Variants in SYT1 observed in about 807,000 individuals in gnomAD.
The protein encoded by SYT1 is synaptotagmin 1.
In SYT1, 8 loss-of-function variants were observed where a neutral mutation model predicts 44.8. The ratio of observed to expected loss-of-function variants is 0.18; its 90% CI spans 0.10 to 0.32. The LOEUF is 0.32. Ranked by LOEUF, SYT1 falls within the 10% of genes least tolerant of loss-of-function variation. SYT1 has a pLI of 1.00. For synonymous variants in SYT1, 154 were observed against 188.8 expected (o/e 0.82, Z 1.51); for missense variants, 286 against 509.3 (o/e 0.56, Z 4.22).
chr12:79,360,147 T>C (rs1436339821), intron 9 of SYT1, among the ~76,000 whole-genome samples: 2 of 152,304 alleles, frequency 1.3e-5, no homozygotes, highest in Middle Eastern at 3.4e-3. Context: ...TAAAATGCTA[T>C]GTCATAATTT....
chr12:79,369,326 A>T (rs1163733561), intron 9 of SYT1, among the ~76,000 whole-genome samples: 2 of 152,060 alleles, frequency 1.3e-5, no homozygotes. Flanking sequence ...TACAAAAATT[A>T]TTAGCCAGGC....
intron 8 of SYT1, among the ~76,000 whole-genome samples, chr12:79,312,769 AT>A (rs34469793): frequency 0.046 from 5,402 of 116,742 alleles, 69 homozygotes; most frequent in East Asian, 0.11. Flanking sequence ...AAGGGGCTGC[AT>A]TTTTTTTTTT....
chr12:79,286,519 G>A (rs777775595), intron 5 of SYT1, among the ~76,000 whole-genome samples: 1 of 152,120 alleles, frequency 6.6e-6, no homozygotes, highest in Non-Finnish European at 1.5e-5. Context: ...GAACACGACA[G>A]GATAGAATTT....
At position 78,885,451 on chromosome 12, in the gene SYT1, C is replaced by CA. The variant is rs754166004; in HGVS notation, c.-217+20349dup. ...TAAGCTTTATTTTCATGATTGCTAT[C>CA]AAAAAAATAAAAATAAAAAACAAGG... On this transcript the variant is annotated intron_variant, in intron 1 of 10. Transcript: ENST00000261205. 8.6e-5 allele frequency among the ~76,000 whole-genome samples: 13 copies of CA among 151,190 alleles called. No homozygotes were observed. In the East Asian group the frequency reaches 1.8e-3, roughly 20 times the overall value.
intron 1 of SYT1, among the ~76,000 whole-genome samples, chr12:78,933,231 G>A (rs1292555993): frequency 6.6e-6 from 1 of 152,046 alleles, no homozygotes; most frequent in Non-Finnish European, 1.5e-5. Context: ...ACTAATACCA[G>A]GGCAATCTTG....
At chr12:79,135,103 CT>C (rs913504729) in intron 3 of SYT1, among the ~76,000 whole-genome samples, 13 of 151,912 alleles carry the variant, frequency 8.6e-5, no homozygotes, top group African/African-American at 2.9e-4. Flanking sequence ...AGTGCATATA[CT>C]TTTTTATTAT....
At chr12:78,999,839 T>A (rs914820655) in intron 2 of SYT1, among the ~76,000 whole-genome samples, 25 of 152,134 alleles carry the variant, frequency 1.6e-4, no homozygotes, top group African/African-American at 5.8e-4. Flanking sequence ...TATGATGTGA[T>A]TTGAGAGAAA....
At chr12:78,872,511 A>T (rs1049753118) in intron 1 of SYT1, among the ~76,000 whole-genome samples, 3 of 151,948 alleles carry the variant, frequency 2.0e-5, no homozygotes, top group African/African-American at 7.2e-5. Context: ...AGATTTGTTC[A>T]GTTCTCTGGT....
In SYT1 at chr12:79,307,616, G is replaced by C. The variant is rs566225990; in HGVS notation, c.810+8065G>C. Among the ~76,000 whole-genome samples, 1,410 of 151,020 alleles carry C rather than the reference G, an allele frequency of 9.3e-3. 29 individuals are homozygous for C. The highest frequency in any genetic ancestry group is 0.032 in the African/African-American group (1,324 of 40,944). On this transcript the variant is annotated intron_variant, in intron 8 of 10. Coordinates refer to ENST00000261205, the MANE Select transcript of SYT1 (RefSeq NM_005639.3). ...GAGCCCGGGGATGGTCGGAAGGGCT[G>C]GGGGTGGGGGTGGGGGGGCGTGGGG...
At position 78,893,217 on chromosome 12, in the gene SYT1, C is replaced by T. The variant is rs1333124315; in HGVS notation, c.-217+28108C>T. On this transcript the variant is annotated intron_variant, in intron 1 of 10. Transcript: ENST00000261205. ...ACAGTAAATGACAGGCTACATTTTT[C>T]AATTTGCTAATAATGATTCTTGCTT... Among the ~76,000 whole-genome samples the T allele has an allele frequency of 2.0e-5, 3 of 151,764 alleles. No individual in the cohort carries two copies. In the Admixed American group the frequency reaches 2.0e-4, roughly 10 times the overall value.
At chr12:78,905,544 T>G (rs766890890) in intron 1 of SYT1, among the ~76,000 whole-genome samples, 13 of 152,166 alleles carry the variant, frequency 8.5e-5, no homozygotes, top group Non-Finnish European at 1.3e-4. Context: ...TTATGTTTAC[T>G]AAAATTCCTT....
chr12:78,918,510 G>A (rs1416535748), intron 1 of SYT1, among the ~76,000 whole-genome samples: 1 of 152,064 alleles, frequency 6.6e-6, no homozygotes, highest in Admixed American at 6.6e-5. Context: ...GTTACATTTT[G>A]GCCCCTTTTC....
At chr12:78,875,557 G>C (rs1193652550) in intron 1 of SYT1, among the ~76,000 whole-genome samples, 1 of 151,526 alleles carries the variant, frequency 6.6e-6, no homozygotes, top group East Asian at 1.9e-4. Flanking sequence ...GAACAGTTTG[G>C]TCTATTTAGG....
rs1878602055 is a variant in SYT1, at chr12:78,945,467, T to G, written c.-216-32332T>G. Among the ~76,000 whole-genome samples the G allele has an allele frequency of 5.3e-5, 7 of 131,804 alleles. No homozygotes were observed. The South Asian group carries it at 1.6e-3, about 31-fold the overall frequency. The allele number at this position is 131,804 out of a possible 152,430, so 86.5% of individuals were successfully genotyped here. On this transcript the variant is annotated intron_variant, in intron 1 of 10. Coordinates refer to ENST00000261205, the MANE Select transcript of SYT1 (RefSeq NM_005639.3). ...ATATTTTACATTTATATTATGTGTG[T>G]CTATATATATATATATATATACACA...
intron 1 of SYT1, among the ~76,000 whole-genome samples, chr12:78,942,240 C>T (rs1365573250): frequency 6.6e-6 from 1 of 152,228 alleles, no homozygotes; most frequent in African/African-American, 2.4e-5. Flanking sequence ...TCCAAAACAA[C>T]ACATTACTGC....
intron 1 of SYT1, among the ~76,000 whole-genome samples, chr12:78,869,966 G>A (rs1472727416): frequency 6.6e-6 from 1 of 152,008 alleles, no homozygotes; most frequent in Non-Finnish European, 1.5e-5. Flanking sequence ...ACATAAAAAG[G>A]CATTTTGTTA....
Position 79,296,138 on chromosome 12 carries a change from G to A in SYT1, c.544G>A (p.Val182Met), listed in dbSNP as rs1271381185. The A allele has an allele frequency of 1.2e-6, 2 of 1,613,952 alleles. No individual in the cohort carries two copies. Among genetic ancestry groups the A allele is most frequent in the Admixed American group, 1.7e-5 (1 of 60,014 alleles). Residue 182 changes from valine to methionine, a missense_variant, in exon 7 of 11, where the codon GTG becomes ATG. Val to Met is a conservative substitution (Grantham distance 21). Coordinates refer to ENST00000261205, the MANE Select transcript of SYT1 (RefSeq NM_005639.3). Reference sequence around the variant, plus strand: ...CATGGGGGGCACATCTGATCCTTACGTGAAAGTGTTTCTGCTACCTGATAA... The same window carrying A: ...CATGGGGGGCACATCTGATCCTTACATGAAAGTGTTTCTGCTACCTGATAA... ...LDMGGTSDPYVKVFLLPDKKK... is the reference protein window; with the variant it reads ...LDMGGTSDPYMKVFLLPDKKK...
At chr12:78,908,159 A>T (rs144251975) in intron 1 of SYT1, among the ~76,000 whole-genome samples, 153 of 152,044 alleles carry the variant, frequency 1.0e-3, no homozygotes, top group African/African-American at 3.6e-3. Context: ...TCTGTCAAGG[A>T]TTCTTCACTA....
intron 2 of SYT1, among the ~76,000 whole-genome samples, chr12:78,993,846 C>A (rs1870184105): frequency 1.3e-5 from 2 of 152,192 alleles, no homozygotes. Context: ...TAGAAGCAGT[C>A]TGATGCTCTT....
Sources: gnomAD v4.1 joint callset for allele counts (sites outside exome capture counted in the v4.1 genomes callset) on GRCh38, gnomAD v4.1.1 for gene constraint, MANE v1.5 for transcripts, NCBI Gene and HGNC (gene_info 2026-07-23, HGNC 2026-07-21) for gene names.